Variants in SCRN1 observed in about 807,000 individuals in gnomAD.
SCRN1 encodes secernin-1.
Under a neutral mutation model 43.3 loss-of-function variants are expected in SCRN1, and 19 were observed. The observed-to-expected ratio is 0.44, with a 90% CI of 0.31 to 0.64. The LOEUF (loss-of-function observed/expected upper bound fraction) is 0.64. SCRN1 is among the 30% of genes least tolerant of loss of function. The pLI is 0.09. For synonymous variants in SCRN1, 183 were observed against 188.9 expected (o/e 0.97, Z 0.26); for missense variants, 447 against 524.1 (o/e 0.85, Z 1.44).
In SCRN1 at chr7:29,927,181, A is replaced by G. The variant is rs1157611635; in HGVS notation, c.906-549T>C. Reference sequence around the variant, plus strand: ...GAAGAGGCCTTGGAGGGTGCACACCACACAGAAGTCTGGTTGTGTGAGAGA... The same window carrying G: ...GAAGAGGCCTTGGAGGGTGCACACCGCACAGAAGTCTGGTTGTGTGAGAGA... On this transcript the variant is annotated intron_variant, in intron 6 of 7. Coordinates refer to ENST00000242059, the MANE Select transcript of SCRN1 (RefSeq NM_014766.5). 2.0e-5 allele frequency among the ~76,000 whole-genome samples: 3 copies of G among 152,270 alleles called. No individual in the cohort carries two copies. In the East Asian group the frequency reaches 5.8e-4, roughly 29 times the overall value.
At position 29,940,661 on chromosome 7, in the gene SCRN1, G is replaced by T. The variant is rs765937757; in HGVS notation, c.739+21C>A. ...GAGAAAGGGTATGAGAAGGAGAATC[G>T]TGAGGGAGAGACTAACTCACCTTCT... On this transcript the variant is annotated intron_variant, in intron 5 of 7. Transcript: ENST00000242059. 1.9e-6 allele frequency: 3 copies of T among 1,573,910 alleles called. No homozygotes were observed. In the African/African-American group the frequency reaches 4.2e-5, roughly 22 times the overall value.
chr7:29,926,913 T>C (rs1274115779), intron 6 of SCRN1, among the ~76,000 whole-genome samples: 1 of 151,776 alleles, frequency 6.6e-6, no homozygotes, highest in East Asian at 1.9e-4. Flanking sequence ...AGGACTCTTT[T>C]AGCAATAAAA....
chr7:29,957,869 G>T (rs1047157576), intron 2 of SCRN1, among the ~76,000 whole-genome samples: 3 of 152,190 alleles, frequency 2.0e-5, no homozygotes, highest in Non-Finnish European at 2.9e-5. Flanking sequence ...TGTGCCATGT[G>T]GGGGAGCTGC....
chr7:29,967,187 A>G (rs1235273861), intron 2 of SCRN1, among the ~76,000 whole-genome samples: 1 of 152,020 alleles, frequency 6.6e-6, no homozygotes. Context: ...ACACACACAC[A>G]CACACACACA....
chr7:29,940,698 G>A lies in SCRN1; in HGVS notation c.723C>T (p.Ser241=). ...DHLDCGAGKD[S]LEKQEESITV... is the part of the protein sequence containing the mutation. Reference sequence around the variant, plus strand: ...CTAACTCACCTTCTTGTTTTTCTAAGCTGTCTTTGCCAGCACCGCAGTCTA... The same window carrying A: ...CTAACTCACCTTCTTGTTTTTCTAAACTGTCTTTGCCAGCACCGCAGTCTA... The change falls in exon 5 of 8, where the codon AGC becomes AGT. Residue 241 remains serine, a synonymous_variant. Coordinates refer to ENST00000242059, the MANE Select transcript of SCRN1 (RefSeq NM_014766.5). 1 of 1,599,724 alleles carries A rather than the reference G, an allele frequency of 6.3e-7. No individual in the cohort carries two copies. The highest frequency in any genetic ancestry group is 8.5e-7 in the Non-Finnish European group (1 of 1,176,202).
chr7:29,976,366 C>G (rs1471249231), intron 1 of SCRN1, among the ~76,000 whole-genome samples: 1 of 152,174 alleles, frequency 6.6e-6, no homozygotes, highest in Non-Finnish European at 1.5e-5. Flanking sequence ...TTACATAAGG[C>G]ATCTAGAATA....
intron 6 of SCRN1, among the ~76,000 whole-genome samples, chr7:29,932,092 G>T (rs1032646439): frequency 1.3e-5 from 2 of 149,686 alleles, no homozygotes; most frequent in East Asian, 3.9e-4. Context: ...TTGAAGCACC[G>T]AACAGCCTTA....
At chr7:29,980,466 G>A (rs1788962682) in intron 1 of SCRN1, among the ~76,000 whole-genome samples, 1 of 152,096 alleles carries the variant, frequency 6.6e-6, no homozygotes, top group African/African-American at 2.4e-5. Context: ...AGTGCATTGT[G>A]TATTCTGATC....
chr7:29,947,509 AG>A (rs1270252956), intron 3 of SCRN1, among the ~76,000 whole-genome samples: 1 of 152,232 alleles, frequency 6.6e-6, no homozygotes, highest in Admixed American at 6.5e-5. Context: ...TAATAAAAAT[AG>A]GCAACACAGC....
chr7:29,936,287 C>T (rs1787322889), intron 6 of SCRN1, among the ~76,000 whole-genome samples: 2 of 152,116 alleles, frequency 1.3e-5, no homozygotes, highest in South Asian at 2.1e-4. Flanking sequence ...GCAAAAGTAA[C>T]GGTAAGGACC....
upstream of SCRN1, chr7:29,990,069 G>T (rs1789319442): frequency 6.6e-7 from 1 of 1,515,178 alleles, no homozygotes; most frequent in Non-Finnish European, 8.8e-7. Context: ...GAAAACCCGG[G>T]CTTCAAGGAG....
intron 5 of SCRN1, among the ~76,000 whole-genome samples, chr7:29,937,150 TC>T (rs149665854): frequency 0.056 from 8,561 of 152,280 alleles, 338 homozygotes; most frequent in Middle Eastern, 0.078. Context: ...TAATAAAAAC[TC>T]TGAAATTACA....
chr7:29,932,198 G>T (rs952229799), intron 6 of SCRN1, among the ~76,000 whole-genome samples: 8 of 152,160 alleles, frequency 5.3e-5, no homozygotes, highest in Non-Finnish European at 1.2e-4. Context: ...AATTGGAGGG[G>T]TAGGCACCAT....
chr7:29,989,923 C>G (rs370691103), upstream of SCRN1: 3 of 1,151,390 alleles, frequency 2.6e-6, no homozygotes, highest in East Asian at 5.2e-5. Flanking sequence ...TCTGGCTGCA[C>G]GGGCCGCGGC....
chr7:29,953,046 C>T (rs1370559930), intron 3 of SCRN1, among the ~76,000 whole-genome samples: 1 of 152,206 alleles, frequency 6.6e-6, no homozygotes, highest in Non-Finnish European at 1.5e-5. Flanking sequence ...TGTCTACCTC[C>T]CTCAGCCTTG....
At chr7:29,953,347 A>C (rs1010490635) in intron 3 of SCRN1, among the ~76,000 whole-genome samples, 9 of 152,254 alleles carry the variant, frequency 5.9e-5, no homozygotes, top group African/African-American at 2.2e-4. Context: ...GTAGATATTC[A>C]GTAAACTCCT....
At position 29,921,920 on chromosome 7, in the gene SCRN1, G is replaced by A. The variant is rs933080553; in HGVS notation, c.*2037C>T. 5 of 152,170 alleles carry A rather than the reference G, an allele frequency of 3.3e-5. No homozygotes were observed. Among genetic ancestry groups the A allele is most frequent in the South Asian group, 2.1e-4 (1 of 4,824 alleles). The allele number at this position is 152,170 out of a possible 1,614,324, so 9.4% of individuals were successfully genotyped here. A position where few individuals can be genotyped will look rare whatever the true frequency, so the allele number is the denominator to read the frequency against. On this transcript the variant is annotated 3_prime_UTR_variant, in exon 8 of 8. Coordinates refer to ENST00000242059, the MANE Select transcript of SCRN1 (RefSeq NM_014766.5). ...TCTGATGAGACATTTCATAGTAGGCGAAGGTGAAATCACTCAGTGAGATTT... is the reference window on the plus strand; with the variant it reads ...TCTGATGAGACATTTCATAGTAGGCAAAGGTGAAATCACTCAGTGAGATTT...
chr7:29,934,097 T>C (rs1394087030), intron 6 of SCRN1, among the ~76,000 whole-genome samples: 1 of 152,176 alleles, frequency 6.6e-6, no homozygotes. Flanking sequence ...CCTATGAAAG[T>C]TCTACAGTCA....
intron 6 of SCRN1, among the ~76,000 whole-genome samples, chr7:29,927,352 C>CCCCACCCA (rs1237126607): frequency 1.8e-5 from 2 of 109,816 alleles, no homozygotes; most frequent in Non-Finnish European, 3.8e-5. Flanking sequence ...TACATCACCC[C>CCCCACCCA]CCCACCCACC....
Sources: allele counts gnomAD v4.1 joint callset (sites outside exome capture counted in the v4.1 genomes callset), GRCh38; gene constraint gnomAD v4.1.1; transcripts MANE v1.5; gene names NCBI Gene and HGNC (gene_info 2026-07-23, HGNC 2026-07-21).